The following SPON1 variants were observed in gnomAD, a reference collection of about 807,000 sequenced individuals.
SPON1 encodes spondin-1.
In SPON1, 52 loss-of-function variants were observed where a neutral mutation model predicts 111.7. The ratio of observed to expected loss-of-function variants is 0.47; its 90% CI spans 0.37 to 0.59. SPON1 has a LOEUF of 0.59. Among genes scored for constraint, SPON1 ranks in the 20% least tolerant of loss-of-function variants. The probability of loss-of-function intolerance (pLI) is 0.00; values close to 1 mark genes in which losing one functional copy is unlikely to be tolerated. For missense variants in SPON1, 957 were observed against 1,068.5 expected (o/e 0.90, Z 1.46); for synonymous variants, 410 against 395.8 (o/e 1.04, Z -0.43).
intron 1 of SPON1, among the ~76,000 whole-genome samples, chr11:13,969,323 C>T (rs1341690456): frequency 6.6e-6 from 1 of 151,750 alleles, no homozygotes; most frequent in Admixed American, 6.6e-5. Context: ...GAAGTTGAGG[C>T]TGCAGTGAGT....
Position 14,242,101 on chromosome 11 carries a change from A to C in SPON1, c.826-1231A>C, listed in dbSNP as rs1021200571. Among the ~76,000 whole-genome samples the C allele has an allele frequency of 1.1e-4, 16 of 152,108 alleles. 1 individual carries two copies. The highest frequency in any genetic ancestry group is 4.4e-5 in the Non-Finnish European group (3 of 68,020). On this transcript the variant is annotated intron_variant, in intron 6 of 15. Transcript: ENST00000576479. ...CCACCACCCAGCAGCCCCTTCCTGC[A>C]TGGTAAATGGGAAGCCATGGACCAG...
chr11:13,969,040 T>A (rs1177031521), intron 1 of SPON1, among the ~76,000 whole-genome samples: 1 of 152,140 alleles, frequency 6.6e-6, no homozygotes, highest in African/African-American at 2.4e-5. Context: ...AAAGGTCAGC[T>A]AGGTGGGTCA....
chr11:14,069,463 C>T (rs373667375), intron 3 of SPON1, among the ~76,000 whole-genome samples: 3 of 152,120 alleles, frequency 2.0e-5, no homozygotes, highest in African/African-American at 7.2e-5. Flanking sequence ...TCAGAGCCGC[C>T]GCCATCATCT....
intron 6 of SPON1, among the ~76,000 whole-genome samples, chr11:14,227,572 G>T (rs1848753974): frequency 6.6e-6 from 1 of 152,194 alleles, no homozygotes; most frequent in African/African-American, 2.4e-5. Flanking sequence ...GCTTGGAAAG[G>T]GCTTACAGAG....
intron 2 of SPON1, among the ~76,000 whole-genome samples, chr11:13,992,484 G>A (rs190460045): frequency 4.3e-4 from 65 of 152,296 alleles, no homozygotes; most frequent in African/African-American, 1.6e-3. Context: ...GTGGATCTTA[G>A]TTTGCTGGGC....
chr11:14,148,335 G>T (rs1247198929), intron 6 of SPON1, among the ~76,000 whole-genome samples: 2 of 152,116 alleles, frequency 1.3e-5, no homozygotes, highest in African/African-American at 4.8e-5. Context: ...ATTAATAGTG[G>T]TTGCCTCTGG....
intron 1 of SPON1, among the ~76,000 whole-genome samples, chr11:13,969,557 A>G (rs1486082359): frequency 1.3e-5 from 2 of 152,236 alleles, no homozygotes; most frequent in Non-Finnish European, 2.9e-5. Flanking sequence ...GGAAGAGAAA[A>G]AGAAAAATGA....
chr11:14,138,356 A>C (rs1847616784), intron 6 of SPON1, among the ~76,000 whole-genome samples: 2 of 152,224 alleles, frequency 1.3e-5, no homozygotes, highest in African/African-American at 2.4e-5. Context: ...AAGTATTAAT[A>C]ATAATAACAG....
chr11:14,091,019 C>A (rs572676683), intron 5 of SPON1, among the ~76,000 whole-genome samples: 2 of 151,560 alleles, frequency 1.3e-5, no homozygotes, highest in Non-Finnish European at 2.9e-5. Context: ...CTAGACACAG[C>A]GTGTCGATTG....
chr11:14,031,462 G>A (rs1298688903), intron 2 of SPON1, among the ~76,000 whole-genome samples: 3 of 152,132 alleles, frequency 2.0e-5, no homozygotes, highest in Non-Finnish European at 4.4e-5. Flanking sequence ...ACTGAATAAC[G>A]CAGTCAATGC....
chr11:14,079,223 G>A (rs1011629774), intron 4 of SPON1, among the ~76,000 whole-genome samples: 18 of 152,164 alleles, frequency 1.2e-4, no homozygotes, highest in Admixed American at 6.5e-4. Context: ...AGCTAAAAAT[G>A]AGGGCCGAGA....
chr11:14,123,970 C>T (rs530539266), intron 5 of SPON1, among the ~76,000 whole-genome samples: 183 of 152,352 alleles, frequency 1.2e-3, no homozygotes, highest in Non-Finnish European at 2.1e-3. Context: ...GTCCAGAGGG[C>T]TAATGCAGTG....
intron 5 of SPON1, among the ~76,000 whole-genome samples, chr11:14,101,518 AT>A (rs1849144034): frequency 6.6e-6 from 1 of 152,014 alleles, no homozygotes; most frequent in African/African-American, 2.4e-5. Flanking sequence ...TTTTTGTCAA[AT>A]ATTTCCCCTC....
At chr11:13,972,114 G>T (rs1848067698) in intron 1 of SPON1, among the ~76,000 whole-genome samples, 1 of 152,172 alleles carries the variant, frequency 6.6e-6, no homozygotes. Context: ...TTCTTTGTGG[G>T]TTGCAGTTGC....
At chr11:14,145,533 C>T (rs373143438) in intron 6 of SPON1, among the ~76,000 whole-genome samples, 1 of 152,264 alleles carries the variant, frequency 6.6e-6, no homozygotes, top group South Asian at 2.1e-4. Context: ...CAAAATTATA[C>T]GTTTTCTTTT....
At chr11:14,221,479 C>A (rs1181898516) in intron 6 of SPON1, among the ~76,000 whole-genome samples, 1 of 152,176 alleles carries the variant, frequency 6.6e-6, no homozygotes. Flanking sequence ...GGAATTTGGA[C>A]TTAGAACATA....
At position 14,135,119 on chromosome 11, in the gene SPON1, G is replaced by C. The variant is rs1168779298; in HGVS notation, c.677-301G>C. 4 of 234,320 alleles carry C rather than the reference G, an allele frequency of 1.7e-5. No homozygotes were observed. The highest frequency in any genetic ancestry group is 3.3e-5 in the Non-Finnish European group (4 of 120,044). The allele number at this position is 234,320 out of a possible 1,614,324, so 14.5% of individuals were successfully genotyped here. ...CTACTCTATTTTGCCTTACAAATAT[G>C]ATCAGCCTTTAACGTTCTCTCAACT... On this transcript the variant is annotated intron_variant, in intron 5 of 15. Coordinates refer to ENST00000576479, the MANE Select transcript of SPON1 (RefSeq NM_006108.4). This position sits in a 1 kb window ranked among gnomAD's most constrained non-coding sequence, Gnocchi z 4.4.
chr11:14,090,158 A>G (rs2133837428), intron 5 of SPON1, among the ~76,000 whole-genome samples: 1 of 150,324 alleles, frequency 6.7e-6, no homozygotes, highest in Admixed American at 6.6e-5. Context: ...GAGTGAATGA[A>G]CAGTTCTGTC....
intron 7 of SPON1, among the ~76,000 whole-genome samples, chr11:14,249,802 C>G (rs1849033341): frequency 6.6e-6 from 1 of 152,168 alleles, no homozygotes. Context: ...GTGTCCCTCA[C>G]AATGATAAGC....
Sources: allele counts gnomAD v4.1 joint callset (sites outside exome capture counted in the v4.1 genomes callset), GRCh38; gene constraint gnomAD v4.1.1; non-coding constraint Gnocchi (gnomAD v3.1); transcripts MANE v1.5; gene names NCBI Gene and HGNC (gene_info 2026-07-23, HGNC 2026-07-21).